IL1RAPL2: variants seen among roughly 807,000 people sequenced by gnomAD.
IL1RAPL2 encodes interleukin 1 receptor accessory protein like 2, also known as X-linked interleukin-1 receptor accessory protein-like 2.
IL1RAPL2 carries 3 observed loss-of-function variants against 44.1 expected under a neutral mutation model. That is an observed-to-expected ratio of 0.07 (90% CI 0.03 to 0.18). The LOEUF (loss-of-function observed/expected upper bound fraction) is 0.18. Among genes scored for constraint, IL1RAPL2 ranks in the 10% least tolerant of loss-of-function variants. The pLI, the probability that IL1RAPL2 is intolerant of heterozygous loss-of-function variation, is 1.00. For missense variants in IL1RAPL2, 391 were observed against 496.4 expected, an observed-to-expected ratio of 0.79 and a Z score of 2.02; for synonymous variants, 181 against 178.8, an observed-to-expected ratio of 1.01 and a Z score of -0.10.
At position 105,478,103 on chromosome X, in the gene IL1RAPL2, G is replaced by T. The variant is rs145230192; in HGVS notation, c.698-6210G>T. On this transcript the variant is annotated intron_variant, in intron 5 of 10. Coordinates refer to ENST00000372582, the MANE Select transcript of IL1RAPL2 (RefSeq NM_017416.2). ...TGCCCCTGGAGTTGGGCAATGAGAT[G>T]GTATTGCCTGTTACCTTTGGCCATC... Among the ~76,000 whole-genome samples the T allele has an allele frequency of 8.7e-4, 96 of 110,122 alleles. 2 individuals are homozygous for T. The East Asian group carries it at 0.013, about 15-fold the overall frequency.
intron 2 of IL1RAPL2, among the ~76,000 whole-genome samples, chrX:104,960,834 C>A (rs1380320536): frequency 3.6e-5 from 4 of 111,451 alleles, no homozygotes; most frequent in Non-Finnish European, 7.5e-5. Flanking sequence ...TGCCACTTTG[C>A]GTTGCATTCC....
intron 8 of IL1RAPL2, among the ~76,000 whole-genome samples, chrX:105,741,217 T>C (rs1374666313): frequency 1.8e-5 from 2 of 111,911 alleles, no homozygotes; most frequent in African/African-American, 6.5e-5. Flanking sequence ...CTAAATATTT[T>C]GGCATCCCTT....
intron 5 of IL1RAPL2, among the ~76,000 whole-genome samples, chrX:105,366,838 ATATC>A (rs1226264835): frequency 1.8e-5 from 2 of 111,786 alleles, no homozygotes; most frequent in East Asian, 5.6e-4. Flanking sequence ...TAGTCTGTAA[ATATC>A]TATTAGGTGT....
At chrX:104,914,342 T>C (rs1924344425) in intron 2 of IL1RAPL2, among the ~76,000 whole-genome samples, 2 of 111,819 alleles carry the variant, frequency 1.8e-5, no homozygotes, top group African/African-American at 6.5e-5. Context: ...TCTGACAGCT[T>C]TTTACCTCAT....
At chrX:104,831,295 A>AT (rs1341122000) in intron 2 of IL1RAPL2, among the ~76,000 whole-genome samples, 3 of 111,753 alleles carry the variant, frequency 2.7e-5, no homozygotes, top group Non-Finnish European at 5.6e-5. Context: ...AAATTTAAAG[A>AT]TTTTAAGGAA....
chrX:105,469,161 T>C (rs189754822), intron 5 of IL1RAPL2, among the ~76,000 whole-genome samples: 25 of 111,596 alleles, frequency 2.2e-4, no homozygotes, highest in Admixed American at 2.2e-3. Context: ...GTGTTCAGTT[T>C]ATTGTACCAT....
Position 105,736,526 on chromosome X carries a change from C to CA in IL1RAPL2, c.903-4010dup, listed in dbSNP as rs1205932865. Among the ~76,000 whole-genome samples, 117 of 102,019 alleles carry CA rather than the reference C, an allele frequency of 1.1e-3. 1 individual carries two copies. The highest frequency in any genetic ancestry group is 1.6e-3 in the East Asian group (5 of 3,203). The allele number at this position is 102,019 out of a possible 115,157, so 88.6% of individuals were successfully genotyped here. On this transcript the variant is annotated intron_variant, in intron 7 of 10. Transcript: ENST00000372582. ...ATAAGGAACTTAAAAAAATTAAAAA[C>CA]AAAAAAAAAACTCCATAAAAAAGTG...
At position 105,406,816 on chromosome X, in the gene IL1RAPL2, G is replaced by T. The variant is rs1218678365; in HGVS notation, c.698-77497G>T. 4.4e-6 allele frequency: 5 copies of T among 1,145,877 alleles called. No individual in the cohort carries two copies. The East Asian group carries it at 1.5e-4, about 34-fold the overall frequency. 94.4% of individuals were successfully genotyped at this position (1,145,877 alleles called of 1,213,427 possible). A position where few individuals can be genotyped will look rare whatever the true frequency, so the allele number is the denominator to read the frequency against. On this transcript the variant is annotated intron_variant, in intron 5 of 10. Transcript: ENST00000372582. The stretch of plus-strand genomic sequence containing the variant: ...AGAAGGTGCTAATCTGAAAGGTGTG[G>T]ATATGGAAGGAAGTCAGATGACAGG...
intron 2 of IL1RAPL2, among the ~76,000 whole-genome samples, chrX:104,874,030 G>A (rs991342997): frequency 7.2e-5 from 8 of 110,382 alleles, no homozygotes; most frequent in East Asian, 2.9e-4. Flanking sequence ...CACAAATCAC[G>A]TCCACTTCTT....
At chrX:105,225,694 ATTTTT>A (rs146344873) in intron 3 of IL1RAPL2, among the ~76,000 whole-genome samples, 1 of 106,237 alleles carries the variant, frequency 9.4e-6, no homozygotes, top group African/African-American at 3.4e-5. Flanking sequence ...ATTTTATTTT[ATTTTT>A]TTTTCTGAGA....
At chrX:104,708,065 G>A (rs1931391448) in intron 2 of IL1RAPL2, among the ~76,000 whole-genome samples, 1 of 111,539 alleles carries the variant, frequency 9.0e-6, no homozygotes, top group Non-Finnish European at 1.9e-5. Flanking sequence ...CAACCCATGA[G>A]GAATGGTCTG....
chrX:104,847,709 G>A (rs1922095175), intron 2 of IL1RAPL2, among the ~76,000 whole-genome samples: 1 of 111,783 alleles, frequency 8.9e-6, no homozygotes, highest in Admixed American at 9.5e-5. Flanking sequence ...CTTTAAAGTA[G>A]TTTTTTCCAA....
chrX:105,458,339 A>G (rs977073312), intron 5 of IL1RAPL2, among the ~76,000 whole-genome samples: 2 of 111,514 alleles, frequency 1.8e-5, no homozygotes, highest in Admixed American at 9.6e-5. Flanking sequence ...TTTATTGCCT[A>G]TTCTTTCAGT....
rs751215688 is a variant in IL1RAPL2, at chrX:104,733,408, A to G, written c.82+74413A>G. Among the ~76,000 whole-genome samples the G allele has an allele frequency of 2.7e-5, 3 of 109,914 alleles. No individual in the cohort carries two copies. The East Asian group carries it at 8.6e-4, about 32-fold the overall frequency. On this transcript the variant is annotated intron_variant, in intron 2 of 10. Transcript: ENST00000372582. The stretch of plus-strand genomic sequence containing the variant: ...GGAGTTCTAGACCAGCCTGGCCAAC[A>G]TGGTGAAACCCCATCTCTACTAAAA...
intron 5 of IL1RAPL2, among the ~76,000 whole-genome samples, chrX:105,341,558 A>G (rs1602366062): frequency 8.9e-6 from 1 of 111,930 alleles, no homozygotes; most frequent in East Asian, 2.8e-4. Flanking sequence ...ACAAGATAGT[A>G]CTTTCATACT....
intron 2 of IL1RAPL2, among the ~76,000 whole-genome samples, chrX:104,869,292 G>A (rs1203961020): frequency 9.0e-6 from 1 of 110,899 alleles, no homozygotes. Flanking sequence ...ATACAATGTA[G>A]AATGATTAAG....
chrX:104,893,751 CTG>C (rs1252243422), intron 2 of IL1RAPL2, among the ~76,000 whole-genome samples: 1 of 111,731 alleles, frequency 9.0e-6, no homozygotes, highest in African/African-American at 3.3e-5. Flanking sequence ...ATTTGCCAGT[CTG>C]TGTCTTTTAA....
intron 2 of IL1RAPL2, among the ~76,000 whole-genome samples, chrX:104,772,966 G>C (rs1458630837): frequency 9.0e-6 from 1 of 110,949 alleles, no homozygotes; most frequent in African/African-American, 3.3e-5. Flanking sequence ...CTGGAGTTCA[G>C]TGGCACACAC....
intron 2 of IL1RAPL2, among the ~76,000 whole-genome samples, chrX:105,013,328 G>A (rs1361313429): frequency 1.8e-5 from 2 of 110,531 alleles, no homozygotes; most frequent in South Asian, 3.9e-4. Flanking sequence ...CAACAGAACC[G>A]CAGCATCAAA....
Sources: gnomAD v4.1 joint callset for allele counts (sites outside exome capture counted in the v4.1 genomes callset) on GRCh38, gnomAD v4.1.1 for gene constraint, MANE v1.5 for transcripts, NCBI Gene and HGNC (gene_info 2026-07-23, HGNC 2026-07-21) for gene names.